CBLN2: variants seen among roughly 807,000 people sequenced by gnomAD.
CBLN2 encodes the protein cerebellin-2.
Under a neutral mutation model 15.0 loss-of-function variants are expected in CBLN2, and 7 were observed. The observed-to-expected ratio is 0.47, with a 90% CI of 0.27 to 0.88. The LOEUF (loss-of-function observed/expected upper bound fraction) is 0.88. CBLN2 is among the 40% of genes least tolerant of loss of function. The probability of loss-of-function intolerance (pLI) is 0.14; values close to 1 mark genes in which losing one functional copy is unlikely to be tolerated. For missense variants in CBLN2, 242 were observed against 304.5 expected (o/e 0.79, Z 1.53); for synonymous variants, 149 against 135.2 (o/e 1.10, Z -0.71).
At chr18:72,636,513 C>A (rs2069813679) in intron 1 of CBLN2, among the ~76,000 whole-genome samples, 1 of 152,078 alleles carries the variant, frequency 6.6e-6, no homozygotes, top group Non-Finnish European at 1.5e-5. Context: ...GTCATTTCAC[C>A]AGCTGGGCAC....
At chr18:72,555,820 G>A (rs1228675500) in intron 1 of CBLN2, among the ~76,000 whole-genome samples, 2 of 152,124 alleles carry the variant, frequency 1.3e-5, no homozygotes, top group African/African-American at 4.8e-5. Context: ...ACATCTTACA[G>A]AGAAAGTCAG....
At chr18:72,622,457 G>A (rs1202052170) in intron 1 of CBLN2, among the ~76,000 whole-genome samples, 1 of 151,990 alleles carries the variant, frequency 6.6e-6, no homozygotes, top group African/African-American at 2.4e-5. Context: ...AGCCTTATGG[G>A]TGAGTAAGAA....
chr18:72,600,762 T>C (rs2069542695), intron 1 of CBLN2, among the ~76,000 whole-genome samples: 2 of 152,126 alleles, frequency 1.3e-5, no homozygotes, highest in African/African-American at 2.4e-5. Context: ...GCTTGGAGGT[T>C]AGGGTTTTGC....
intron 1 of CBLN2, among the ~76,000 whole-genome samples, chr18:72,578,486 CAA>C (rs2069382468): frequency 1.3e-5 from 2 of 152,090 alleles, no homozygotes; most frequent in African/African-American, 4.8e-5. Context: ...CTTTCTAAGC[CAA>C]AGTCAAAACC....
At chr18:72,576,963 AATAT>A (rs943441691) in intron 1 of CBLN2, among the ~76,000 whole-genome samples, 2 of 147,868 alleles carry the variant, frequency 1.4e-5, no homozygotes, top group Non-Finnish European at 3.0e-5. Flanking sequence ...TGTATATATA[AATAT>A]ATATAAATGT....
chr18:72,636,182 C>T (rs933501062), intron 1 of CBLN2, among the ~76,000 whole-genome samples: 1 of 152,100 alleles, frequency 6.6e-6, no homozygotes, highest in South Asian at 2.1e-4. Flanking sequence ...GGAACATTAT[C>T]TAAATAACAC....
At chr18:72,619,931 G>C (rs1426301461) in intron 1 of CBLN2, among the ~76,000 whole-genome samples, 1 of 152,214 alleles carries the variant, frequency 6.6e-6, no homozygotes, top group Non-Finnish European at 1.5e-5. Flanking sequence ...AGGAACTGAA[G>C]TGAGCACTTT....
chr18:72,555,326 G>A (rs141292719), intron 1 of CBLN2, among the ~76,000 whole-genome samples: 40 of 152,206 alleles, frequency 2.6e-4, no homozygotes, highest in African/African-American at 9.6e-4. Context: ...AAAGTCTGTC[G>A]TGGTTGCTAA....
At chr18:72,558,048 T>C (rs1327827619) in intron 1 of CBLN2, among the ~76,000 whole-genome samples, 2 of 152,188 alleles carry the variant, frequency 1.3e-5, no homozygotes, top group Non-Finnish European at 2.9e-5. Flanking sequence ...GAAGGTTTCC[T>C]AAAGGAGCAG....
chr18:72,553,434 G>A (rs926073587), intron 1 of CBLN2, among the ~76,000 whole-genome samples: 4 of 150,872 alleles, frequency 2.7e-5, no homozygotes, highest in Non-Finnish European at 4.4e-5. Flanking sequence ...ACAGACAAAG[G>A]TTACTACATA....
intron 1 of CBLN2, among the ~76,000 whole-genome samples, chr18:72,550,499 G>A (rs2069185273): frequency 6.6e-6 from 1 of 152,208 alleles, no homozygotes; most frequent in African/African-American, 2.4e-5. Context: ...CTATTGTACA[G>A]AGTTTATGGA....
chr18:72,617,892 T>C (rs951635159), intron 1 of CBLN2, among the ~76,000 whole-genome samples: 4 of 151,800 alleles, frequency 2.6e-5, no homozygotes, highest in African/African-American at 9.7e-5. Flanking sequence ...AAAAAGAGAG[T>C]AATTATGTTG....
chr18:72,588,973 T>C (rs1258280039), intron 1 of CBLN2, among the ~76,000 whole-genome samples: 2 of 152,162 alleles, frequency 1.3e-5, no homozygotes, highest in African/African-American at 2.4e-5. Context: ...GCACTCTTCT[T>C]AGGAGCTAGA....
chr18:72,598,522 G>A (rs993221873), intron 1 of CBLN2, among the ~76,000 whole-genome samples: 1 of 152,164 alleles, frequency 6.6e-6, no homozygotes, highest in Non-Finnish European at 1.5e-5. Context: ...CTGGGGCAGG[G>A]GTTATGCAAG....
intron 1 of CBLN2, among the ~76,000 whole-genome samples, chr18:72,595,767 A>T (rs2069509471): frequency 6.6e-6 from 1 of 152,098 alleles, no homozygotes; most frequent in Non-Finnish European, 1.5e-5. Flanking sequence ...CTTTATTGTT[A>T]CATAATGACC....
At chr18:72,559,699 G>A (rs2069248144) in intron 1 of CBLN2, among the ~76,000 whole-genome samples, 2 of 152,148 alleles carry the variant, frequency 1.3e-5, no homozygotes, top group African/African-American at 4.8e-5. Flanking sequence ...TAACATATCC[G>A]TTTGATTTTT....
chr18:72,579,561 A>G (rs1478345204), intron 1 of CBLN2, among the ~76,000 whole-genome samples: 1 of 152,000 alleles, frequency 6.6e-6, no homozygotes, highest in Non-Finnish European at 1.5e-5. Context: ...TGAAACCCCC[A>G]TCTCTACTAA....
At position 72,541,818 on chromosome 18, in the gene CBLN2, T is replaced by C; in HGVS notation, c.343A>G (p.Ile115Val). Residue 115 changes from isoleucine to valine, a missense_variant, in exon 3 of 5, where the codon ATC becomes GTC. Coordinates refer to ENST00000269503, the MANE Select transcript of CBLN2 (RefSeq NM_182511.4). ...PSEMSNRTMT[I>V]YFDQVLVNIG... Reference sequence around the variant, plus strand: ...CGACGGCTGACCTGGTCGAAATAGATGGTCATGGTGCGGTTGCTCATCTCG... The same window carrying C: ...CGACGGCTGACCTGGTCGAAATAGACGGTCATGGTGCGGTTGCTCATCTCG... 1.9e-6 allele frequency: 3 copies of C among 1,565,430 alleles called. No homozygotes were observed. The highest frequency in any genetic ancestry group is 2.6e-6 in the Non-Finnish European group (3 of 1,156,496).
intron 1 of CBLN2, among the ~76,000 whole-genome samples, chr18:72,553,900 A>G (rs2069207417): frequency 1.3e-5 from 2 of 152,196 alleles, no homozygotes; most frequent in Admixed American, 1.3e-4. Flanking sequence ...TTTGGCTAAA[A>G]CGAGACTTGA....
Sources: allele counts gnomAD v4.1 joint callset (sites outside exome capture counted in the v4.1 genomes callset), GRCh38; gene constraint gnomAD v4.1.1; transcripts MANE v1.5; gene names NCBI Gene and HGNC (gene_info 2026-07-23, HGNC 2026-07-21).